RBMS3: variants seen among roughly 807,000 people sequenced by gnomAD.
RBMS3 encodes RNA binding motif single stranded interacting protein 3.
Under a neutral mutation model 66.8 loss-of-function variants are expected in RBMS3, and 27 were observed. That is an observed-to-expected ratio of 0.40 (90% CI 0.30 to 0.56). The LOEUF is 0.56. RBMS3 is among the 20% of genes least tolerant of loss of function. The pLI is 0.40. For synonymous variants in RBMS3, 188 were observed against 183.0 expected, an observed-to-expected ratio of 1.03 and a Z score of -0.22; for missense variants, 513 against 549.5, an observed-to-expected ratio of 0.93 and a Z score of 0.66.
chr3:29,890,855 G>A (rs796322932), intron 8 of RBMS3, among the ~76,000 whole-genome samples: 8 of 151,550 alleles, frequency 5.3e-5, no homozygotes, highest in South Asian at 2.1e-4. Flanking sequence ...ATCTTTCACC[G>A]TTTACGTTTT....
At chr3:29,422,196 A>G (rs1178323658) in intron 1 of RBMS3, among the ~76,000 whole-genome samples, 1 of 152,222 alleles carries the variant, frequency 6.6e-6, no homozygotes, top group Non-Finnish European at 1.5e-5. Context: ...GTCCTTAGAC[A>G]CTATACAATG....
chr3:29,843,056 A>G (rs2058699384), intron 6 of RBMS3, among the ~76,000 whole-genome samples: 1 of 152,208 alleles, frequency 6.6e-6, no homozygotes, highest in African/African-American at 2.4e-5. Context: ...TTCTTTCTGT[A>G]TTCCATGCCA....
At chr3:29,559,431 A>AGGTCC (rs2046465237) in intron 3 of RBMS3, among the ~76,000 whole-genome samples, 3 of 144,338 alleles carry the variant, frequency 2.1e-5, no homozygotes, top group Non-Finnish European at 4.5e-5. Flanking sequence ...GAGTCACTTG[A>AGGTCC]ACCTGGGAGG....
chr3:29,716,477 T>C (rs535912600), intron 4 of RBMS3, among the ~76,000 whole-genome samples: 1 of 152,290 alleles, frequency 6.6e-6, no homozygotes, highest in South Asian at 2.1e-4. Context: ...AAGGAGGATA[T>C]TCTTTGTGCC....
At chr3:29,886,911 G>T (rs1331615373) in intron 8 of RBMS3, among the ~76,000 whole-genome samples, 2 of 151,766 alleles carry the variant, frequency 1.3e-5, no homozygotes, top group Non-Finnish European at 2.9e-5. Context: ...TTTCAATCAT[G>T]CATTAAGCAA....
chr3:29,746,800 A>C (rs1166368393), intron 5 of RBMS3, among the ~76,000 whole-genome samples: 1 of 152,254 alleles, frequency 6.6e-6, no homozygotes, highest in Non-Finnish European at 1.5e-5. Flanking sequence ...CTTGTTGTAT[A>C]TATGCCTTTA....
At chr3:29,855,579 A>G (rs2059052722) in intron 6 of RBMS3, among the ~76,000 whole-genome samples, 1 of 152,230 alleles carries the variant, frequency 6.6e-6, no homozygotes, top group Admixed American at 6.5e-5. Flanking sequence ...CTTTTAGAAA[A>G]TAGGGGAAAG....
chr3:29,411,602 C>CAG (rs138023954), intron 1 of RBMS3, among the ~76,000 whole-genome samples: 49 of 151,670 alleles, frequency 3.2e-4, no homozygotes, highest in South Asian at 1.2e-3. Context: ...AGTGTCTTGC[C>CAG]AGAGAGAGAG....
rs139385970 is a variant in RBMS3, at chr3:29,677,043, G to A, written c.400-62677G>A. On this transcript the variant is annotated intron_variant, in intron 4 of 14. Coordinates refer to ENST00000383767, the MANE Select transcript of RBMS3 (RefSeq NM_001003793.3). The stretch of plus-strand genomic sequence containing the variant: ...GGTAGAAGGCAAAGCAGAAGCAGGC[G>A]TCTTACATGGCCAGAACAGGACCAA... Among the ~76,000 whole-genome samples the A allele has an allele frequency of 5.6e-3, 850 of 152,216 alleles. 2 individuals are homozygous for A. The highest frequency in any genetic ancestry group is 8.2e-3 in the Non-Finnish European group (557 of 68,004).
chr3:29,378,785 A>C (rs756571381), intron 1 of RBMS3, among the ~76,000 whole-genome samples: 1 of 151,526 alleles, frequency 6.6e-6, no homozygotes, highest in Non-Finnish European at 1.5e-5. Flanking sequence ...GAAAATCTTA[A>C]AACGATTTTT....
chr3:29,886,368 G>T (rs2059871542), intron 8 of RBMS3, among the ~76,000 whole-genome samples: 1 of 151,874 alleles, frequency 6.6e-6, no homozygotes, highest in Non-Finnish European at 1.5e-5. Context: ...GTAGTCCGAG[G>T]TAGAGCTGGG....
At chr3:29,498,855 C>G (rs3773033) in intron 3 of RBMS3, among the ~76,000 whole-genome samples, 20,079 of 152,112 alleles carry the variant, frequency 0.13, 1,967 homozygotes, top group African/African-American at 0.27. Context: ...TACATTTTAA[C>G]TGTAAGAAAT....
At chr3:29,359,949 T>C (rs568631022) in intron 1 of RBMS3, among the ~76,000 whole-genome samples, 7 of 152,316 alleles carry the variant, frequency 4.6e-5, no homozygotes, top group African/African-American at 1.7e-4. Context: ...TCTTCTTTAT[T>C]AGTCTTGCTA....
At chr3:29,373,438 G>C (rs2038309836) in intron 1 of RBMS3, among the ~76,000 whole-genome samples, 1 of 152,218 alleles carries the variant, frequency 6.6e-6, no homozygotes, top group South Asian at 2.1e-4. Flanking sequence ...GCAAAAGAAA[G>C]TGAATGGAAA....
intron 3 of RBMS3, among the ~76,000 whole-genome samples, chr3:29,571,506 C>T (rs930818520): frequency 6.6e-6 from 1 of 152,122 alleles, no homozygotes; most frequent in Non-Finnish European, 1.5e-5. Context: ...ATCTAGTTTT[C>T]CCAGTACCAT....
intron 4 of RBMS3, among the ~76,000 whole-genome samples, chr3:29,614,184 C>A (rs1006332666): frequency 9.9e-5 from 15 of 151,954 alleles, no homozygotes; most frequent in Non-Finnish European, 1.9e-4. Flanking sequence ...ATGGATGAAC[C>A]TGGAGGACAA....
At chr3:29,697,493 A>G (rs944152199) in intron 4 of RBMS3, among the ~76,000 whole-genome samples, 2 of 152,212 alleles carry the variant, frequency 1.3e-5, no homozygotes, top group Non-Finnish European at 2.9e-5. Flanking sequence ...TTACCCATGA[A>G]CTGACAGGAG....
chr3:29,284,868 T>C (rs1018338213), intron 1 of RBMS3, among the ~76,000 whole-genome samples: 4 of 125,308 alleles, frequency 3.2e-5, no homozygotes, highest in East Asian at 2.0e-4. Context: ...TTTTCTTTTT[T>C]TTTTTTTTTT....
At chr3:29,327,383 G>A (rs2035401616) in intron 1 of RBMS3, among the ~76,000 whole-genome samples, 1 of 152,086 alleles carries the variant, frequency 6.6e-6, no homozygotes, top group South Asian at 2.1e-4. Flanking sequence ...ATATTTAATT[G>A]TAAAAGTTAA....
Sources: allele counts gnomAD v4.1 joint callset (sites outside exome capture counted in the v4.1 genomes callset), GRCh38; gene constraint gnomAD v4.1.1; transcripts MANE v1.5; gene names NCBI Gene and HGNC (gene_info 2026-07-23, HGNC 2026-07-21).